The following RARB variants were observed in gnomAD, a reference collection of about 807,000 sequenced individuals.
RARB encodes the protein retinoic acid receptor beta.
Under a neutral mutation model 51.9 loss-of-function variants are expected in RARB, and 17 were observed. The ratio of observed to expected loss-of-function variants is 0.33; its 90% CI spans 0.22 to 0.49. The LOEUF is 0.49. RARB is among the 20% of genes least tolerant of loss of function. The pLI, the probability that RARB is intolerant of heterozygous loss-of-function variation, is 0.99. For missense variants in RARB, 369 were observed against 550.8 expected, an observed-to-expected ratio of 0.67 and a Z score of 3.30; for synonymous variants, 215 against 195.4, an observed-to-expected ratio of 1.10 and a Z score of -0.84.
At chr3:25,032,664 T>C (rs989335899) in intron 2 of RARB, among the ~76,000 whole-genome samples, 2 of 152,230 alleles carry the variant, frequency 1.3e-5, no homozygotes, top group African/African-American at 4.8e-5. Flanking sequence ...CAGTCACTTT[T>C]ATATACTGTT....
chr3:24,994,751 C>T (rs781227137), intron 2 of RARB, among the ~76,000 whole-genome samples: 2 of 152,026 alleles, frequency 1.3e-5, no homozygotes, highest in Admixed American at 1.3e-4. Context: ...GAGGAGACTG[C>T]TCTTTCCCCA....
At chr3:25,201,999 C>T (rs948672911) in intron 5 of RARB, among the ~76,000 whole-genome samples, 1 of 152,138 alleles carries the variant, frequency 6.6e-6, no homozygotes, top group Non-Finnish European at 1.5e-5. Context: ...GGAATAGTTT[C>T]AGAAGGAATG....
At chr3:25,416,616 C>G (rs980024346) in intron 5 of RARB, among the ~76,000 whole-genome samples, 2 of 152,174 alleles carry the variant, frequency 1.3e-5, no homozygotes, top group South Asian at 2.1e-4. Context: ...GTTGCCACTA[C>G]GATCACGCAG....
At chr3:25,280,759 C>A (rs1443961232) in intron 5 of RARB, among the ~76,000 whole-genome samples, 1 of 152,132 alleles carries the variant, frequency 6.6e-6, no homozygotes, top group Non-Finnish European at 1.5e-5. Context: ...TTGCCATTAT[C>A]CCATATCCTA....
intron 5 of RARB, among the ~76,000 whole-genome samples, chr3:25,246,907 G>T (rs1437569902): frequency 6.6e-6 from 1 of 152,194 alleles, no homozygotes; most frequent in African/African-American, 2.4e-5. Flanking sequence ...TAAGTCTGCT[G>T]GAGCTGCACC....
At position 25,156,516 on chromosome 3, in the gene RARB, C is replaced by CAAAAAAA. The variant is rs35710364; in HGVS notation, c.-279-17578_-279-17572dup. ...ATCACACAAATTCTAGCCCCAACTG[C>CAAAAAAA]AAAAAAAAAAAAAAAAAAAAAAAAA... On this transcript the variant is annotated intron_variant, in intron 4 of 11. Coordinates refer to the RARB transcript ENST00000383772. Among the ~76,000 whole-genome samples the CAAAAAAA allele has an allele frequency of 4.9e-4, 28 of 56,834 alleles. 2 individuals carry two copies. The highest frequency in any genetic ancestry group is 1.2e-3 in the African/African-American group (16 of 13,592). The allele number at this position is 56,834 out of a possible 152,430, so 37.3% of individuals were successfully genotyped here.
chr3:25,484,152 A>G (rs1231519618), intron 2 of RARB, among the ~76,000 whole-genome samples: 1 of 152,200 alleles, frequency 6.6e-6, no homozygotes, highest in Non-Finnish European at 1.5e-5. Context: ...TGTGCTGGCT[A>G]TGTTAACTCC....
chr3:25,048,189 C>A (rs537959097), intron 2 of RARB, among the ~76,000 whole-genome samples: 1 of 152,178 alleles, frequency 6.6e-6, no homozygotes, highest in Non-Finnish European at 1.5e-5. Flanking sequence ...GACTCATACA[C>A]AGGATAATTG....
chr3:25,041,940 G>C (rs1015166720), intron 2 of RARB, among the ~76,000 whole-genome samples: 8 of 152,128 alleles, frequency 5.3e-5, no homozygotes, highest in Non-Finnish European at 1.2e-4. Context: ...AATTGATGTT[G>C]CAGTTAAAGC....
intron 5 of RARB, among the ~76,000 whole-genome samples, chr3:25,348,452 T>C (rs1705463905): frequency 7.3e-6 from 1 of 136,486 alleles, no homozygotes; most frequent in African/African-American, 2.7e-5. Flanking sequence ...GCTTGTTGGC[T>C]TCTTTGCAGG....
At chr3:25,146,499 GT>G (rs1413825514) in intron 4 of RARB, among the ~76,000 whole-genome samples, 2 of 104,384 alleles carry the variant, frequency 1.9e-5, no homozygotes, top group Non-Finnish European at 4.0e-5. Flanking sequence ...TAAGTTTTTT[GT>G]TTGTTTGTTT....
chr3:24,873,773 T>C (rs1320097285), intron 2 of RARB, among the ~76,000 whole-genome samples: 3 of 152,066 alleles, frequency 2.0e-5, no homozygotes, highest in African/African-American at 7.2e-5. Context: ...TATTTGATTA[T>C]CTTTGAATAT....
chr3:25,017,574 A>G (rs1697540926), intron 2 of RARB, among the ~76,000 whole-genome samples: 2 of 152,154 alleles, frequency 1.3e-5, no homozygotes, highest in Admixed American at 1.3e-4. Context: ...TTGATTGATC[A>G]AATACCTTTG....
intron 2 of RARB, among the ~76,000 whole-genome samples, chr3:24,948,035 T>C (rs1447450112): frequency 6.6e-6 from 1 of 152,178 alleles, no homozygotes; most frequent in Non-Finnish European, 1.5e-5. Flanking sequence ...TACTTGATAA[T>C]GTCTTTGTCA....
chr3:25,522,247 A>G (rs1698433971), intron 3 of RARB, among the ~76,000 whole-genome samples: 1 of 152,162 alleles, frequency 6.6e-6, no homozygotes, highest in African/African-American at 2.4e-5. Context: ...GGACATGTAG[A>G]CTTAAAAATC....
chr3:24,849,053 C>A (rs562818145), intron 1 of RARB, among the ~76,000 whole-genome samples: 1 of 152,304 alleles, frequency 6.6e-6, no homozygotes, highest in East Asian at 1.9e-4. Context: ...GGGATACTTT[C>A]CAAGGCCCCC....
At chr3:25,589,195 G>C (rs949327022) in intron 5 of RARB, among the ~76,000 whole-genome samples, 3 of 152,180 alleles carry the variant, frequency 2.0e-5, no homozygotes, top group Admixed American at 1.3e-4. Flanking sequence ...TCTGAGAAAA[G>C]AGCCATGTGA....
chr3:25,589,586 G>T (rs1189658740), intron 5 of RARB, among the ~76,000 whole-genome samples: 1 of 152,210 alleles, frequency 6.6e-6, no homozygotes, highest in Non-Finnish European at 1.5e-5. Flanking sequence ...TGCCTCTGGG[G>T]TCCCACATCA....
At chr3:24,962,324 C>T (rs552056084) in intron 2 of RARB, among the ~76,000 whole-genome samples, 4 of 152,062 alleles carry the variant, frequency 2.6e-5, no homozygotes, top group South Asian at 2.1e-4. Flanking sequence ...TTGATTGCTG[C>T]GGGCTGTCCC....
Sources: allele counts gnomAD v4.1 joint callset (sites outside exome capture counted in the v4.1 genomes callset), GRCh38; gene constraint gnomAD v4.1.1; transcripts MANE v1.5; gene names NCBI Gene and HGNC (gene_info 2026-07-23, HGNC 2026-07-21).